The following C6orf52 variants were observed in gnomAD, a reference collection of about 807,000 sequenced individuals.
The protein encoded by C6orf52 is putative uncharacterized protein C6orf52.
In C6orf52, 16 loss-of-function variants were observed where a neutral mutation model predicts 16.6. The observed-to-expected ratio is 0.96, with a 90% confidence interval of 0.65 to 1.46. C6orf52 has a LOEUF of 1.46. Ranked by LOEUF, C6orf52 falls within the 40% of genes most tolerant of loss-of-function variation. The probability of loss-of-function intolerance (pLI) is 0.00; values close to 1 mark genes in which losing one functional copy is unlikely to be tolerated. For synonymous variants in C6orf52, 53 were observed against 61.4 expected, an observed-to-expected ratio of 0.86 and a Z score of 0.64; for missense variants, 166 against 182.3, an observed-to-expected ratio of 0.91 and a Z score of 0.52.
In C6orf52 at chr6:10,671,504, C is replaced by T. The variant is rs1767417300; in HGVS notation, c.411G>A (p.Gln137=). ...TTTCGGAGTGAACTGTGTCCAGAGG[C>T]TGCCAGTGGCAATTCATGAGGGAGT... ...LYDSLMNCHW[Q]PLDTVHSEIP... is the part of the protein sequence containing the mutation. The change falls in exon 5 of 5, where the codon CAG becomes CAA. Residue 137 remains glutamine, a synonymous_variant. Transcript: ENST00000259983. 1 of 1,551,024 alleles carries T rather than the reference C, an allele frequency of 6.4e-7. No individual in the cohort carries two copies. Among genetic ancestry groups the T allele is most frequent in the Non-Finnish European group, 8.7e-7 (1 of 1,146,672 alleles).
At chr6:10,690,606 A>G (rs936215076) in intron 1 of C6orf52, among the ~76,000 whole-genome samples, 1 of 152,204 alleles carries the variant, frequency 6.6e-6, no homozygotes, top group African/African-American at 2.4e-5. Flanking sequence ...CCACCCAAGA[A>G]GAAAAACTAG....
At chr6:10,679,208 CGTGG>C (rs1182424253) in intron 4 of C6orf52, among the ~76,000 whole-genome samples, 5 of 151,846 alleles carry the variant, frequency 3.3e-5, no homozygotes, top group African/African-American at 1.2e-4. Context: ...GGGAGGATGA[CGTGG>C]GTGGATCACC....
At chr6:10,682,311 C>T (rs1768465045) in intron 4 of C6orf52, among the ~76,000 whole-genome samples, 1 of 152,124 alleles carries the variant, frequency 6.6e-6, no homozygotes, top group African/African-American at 2.4e-5. Context: ...TGAAAGAAAT[C>T]CCACAAAGTT....
At chr6:10,687,941 A>G (rs1035041780) in intron 1 of C6orf52, among the ~76,000 whole-genome samples, 1 of 152,182 alleles carries the variant, frequency 6.6e-6, no homozygotes, top group African/African-American at 2.4e-5. Flanking sequence ...GTAAAAGAGG[A>G]AACTCTAATA....
intron 3 of C6orf52, among the ~76,000 whole-genome samples, chr6:10,685,296 AT>A (rs538765201): frequency 4.0e-4 from 60 of 149,390 alleles, no homozygotes; most frequent in African/African-American, 1.1e-3. Flanking sequence ...GTAGTGAAAG[AT>A]TTTTTTTTTA....
chr6:10,676,469 A>G (rs1362401195), intron 4 of C6orf52, among the ~76,000 whole-genome samples: 2 of 152,252 alleles, frequency 1.3e-5, no homozygotes, highest in Admixed American at 6.5e-5. Context: ...TTGCACATGC[A>G]AATGCCAGCA....
intron 4 of C6orf52, among the ~76,000 whole-genome samples, chr6:10,681,393 T>C (rs2127465085): frequency 1.3e-5 from 2 of 152,334 alleles, no homozygotes; most frequent in East Asian, 3.9e-4. Context: ...CTTCATTTTG[T>C]TGATCTTTTG....
intron 3 of C6orf52, 99 bp downstream of exon 3, chr6:10,686,867 G>C (rs912536758): frequency 1.7e-4 from 146 of 874,878 alleles, no homozygotes; most frequent in South Asian, 1.2e-3. Flanking sequence ...ATGTCTGTGG[G>C]AATTTGGATG....
intron 1 of C6orf52, among the ~76,000 whole-genome samples, chr6:10,688,125 T>C (rs190476033): frequency 0.015 from 2,218 of 147,478 alleles, 49 homozygotes; most frequent in African/African-American, 0.057. Context: ...CCCCTTCCCT[T>C]CTCTCCTCTT....
chr6:10,692,529 C>T (rs1235443816), intron 1 of C6orf52, among the ~76,000 whole-genome samples: 2 of 152,126 alleles, frequency 1.3e-5, no homozygotes, highest in East Asian at 1.9e-4. Context: ...CAATCTCCAC[C>T]TCCCTAATTC....
chr6:10,691,260 G>A (rs1207053180), intron 1 of C6orf52, among the ~76,000 whole-genome samples: 1 of 152,198 alleles, frequency 6.6e-6, no homozygotes, highest in Non-Finnish European at 1.5e-5. Flanking sequence ...TAAGAAAGAA[G>A]GGCTTTATTC....
rs182814735 is a variant in C6orf52 at position 10,689,724 on chromosome 6, T to C, written c.-11-2163A>G. On this transcript the variant is annotated intron_variant, in intron 1 of 4. Transcript: ENST00000259983. ...GCTGGTGTCAGAATAACTCTGCAGCTATCTTGGACTATGAGGTGACATCCA... is the reference window on the plus strand; with the variant it reads ...GCTGGTGTCAGAATAACTCTGCAGCCATCTTGGACTATGAGGTGACATCCA... 4.9e-4 allele frequency among the ~76,000 whole-genome samples: 75 copies of C among 152,296 alleles called. 1 individual carries two copies. Among genetic ancestry groups the C allele is most frequent in the African/African-American group, 1.7e-3 (72 of 41,554 alleles).
At chr6:10,671,633 A>G in intron 4 of C6orf52, 35 bp from the exon 5 acceptor site, 1 of 1,429,356 alleles carries the variant, frequency 7.0e-7, no homozygotes, top group Non-Finnish European at 9.5e-7. Flanking sequence ...AAAAAAATAG[A>G]GTTTTACAGG....
At chr6:10,684,991 C>A in intron 3 of C6orf52, 1 of 898,228 alleles carries the variant, frequency 1.1e-6, no homozygotes, top group Non-Finnish European at 1.5e-6. Flanking sequence ...AGTAATAATT[C>A]GGCCTGAGGG....
At chr6:10,684,363 A>G (rs1053156306) in intron 3 of C6orf52, among the ~76,000 whole-genome samples, 1 of 152,238 alleles carries the variant, frequency 6.6e-6, no homozygotes, top group Non-Finnish European at 1.5e-5. Flanking sequence ...CCCAGAATCC[A>G]CACTTCCATA....
At chr6:10,683,112 C>A in intron 4 of C6orf52, 75 bp downstream of exon 4, 1 of 995,866 alleles carries the variant, frequency 1.0e-6, no homozygotes, top group South Asian at 1.6e-5. Context: ...CTTCCAGTTT[C>A]TAGCAAGCTG....
rs1051852766 is a variant in C6orf52, at chr6:10,687,080, G to A, written c.156C>T (p.Gly52=). ...RYGNWYARQH[G]SYLLSGYSYG... ...AGCTGTAGCCAGAAAGAAGGTAAGAGCCGTGCTGTCGCGCATACCAGTTGC... is the reference window on the plus strand; with the variant it reads ...AGCTGTAGCCAGAAAGAAGGTAAGAACCGTGCTGTCGCGCATACCAGTTGC... Residue 52 remains glycine, a synonymous_variant, in exon 3 of 5, where the codon GGC becomes GGT. Coordinates refer to ENST00000259983, the MANE Select transcript of C6orf52 (RefSeq NM_001145020.3). 6.4e-7 allele frequency: 1 copy of A among 1,551,848 alleles called. No homozygotes were observed. Among genetic ancestry groups the A allele is most frequent in the African/African-American group, 1.4e-5 (1 of 73,048 alleles).
chr6:10,692,309 CACTT>C (rs1163520844), intron 1 of C6orf52, among the ~76,000 whole-genome samples: 3 of 152,182 alleles, frequency 2.0e-5, no homozygotes, highest in Non-Finnish European at 4.4e-5. Context: ...GTCCAGAGGA[CACTT>C]ACTTCACACT....
At chr6:10,692,383 C>T (rs1320098193) in intron 1 of C6orf52, among the ~76,000 whole-genome samples, 1 of 152,210 alleles carries the variant, frequency 6.6e-6, no homozygotes. Flanking sequence ...GTAATCTATT[C>T]TAAATCCTAA....
Sources: allele counts gnomAD v4.1 joint callset (sites outside exome capture counted in the v4.1 genomes callset), GRCh38; gene constraint gnomAD v4.1.1; transcripts MANE v1.5; gene names NCBI Gene and HGNC (gene_info 2026-07-23, HGNC 2026-07-21).